Variants in ACTR3C observed in about 807,000 individuals in gnomAD.
ACTR3C encodes the protein actin-related protein 3C.
In ACTR3C, 18 loss-of-function variants were observed where a neutral mutation model predicts 26.3. That is an observed-to-expected ratio of 0.68 (90% CI 0.47 to 1.01). The LOEUF (loss-of-function observed/expected upper bound fraction) is 1.01. Ranked by LOEUF, ACTR3C falls within the 50% of genes least tolerant of loss-of-function variation. ACTR3C has a pLI of 0.00. For synonymous variants in ACTR3C, 55 were observed against 94.5 expected (o/e 0.58, Z 2.42); for missense variants, 184 against 250.7 (o/e 0.73, Z 1.80).
chr7:150,256,777 AT>A (rs1475129478), intron 6 of ACTR3C, among the ~76,000 whole-genome samples: 7 of 151,622 alleles, frequency 4.6e-5, no homozygotes, highest in South Asian at 2.1e-4. Context: ...AAAAAAAAAA[AT>A]AAACACATGT....
the ACTR3C span, among the ~76,000 whole-genome samples, chr7:150,172,991 C>T: frequency 6.7e-6 from 1 of 148,966 alleles, no homozygotes; most frequent in Admixed American, 6.6e-5. Flanking sequence ...GTACAGCCTC[C>T]ATCCCAGCTG....
At chr7:150,155,007 C>T in the ACTR3C span, among the ~76,000 whole-genome samples, 3 of 152,162 alleles carry the variant, frequency 2.0e-5, no homozygotes, top group Non-Finnish European at 4.4e-5. Flanking sequence ...TAGACAAACA[C>T]AGGCCTAAGA....
chr7:149,976,472 G>T, the ACTR3C span, among the ~76,000 whole-genome samples: 4 of 151,868 alleles, frequency 2.6e-5, no homozygotes, highest in Non-Finnish European at 4.4e-5. Flanking sequence ...TACTCAGGAG[G>T]CTGAGGCGGG....
At chr7:150,038,829 T>TAG in the ACTR3C span, among the ~76,000 whole-genome samples, 3 of 83,930 alleles carry the variant, frequency 3.6e-5, no homozygotes, top group Admixed American at 3.8e-4. Context: ...GCGATGGGGG[T>TAG]CCTAAGAGCC....
the ACTR3C span, among the ~76,000 whole-genome samples, chr7:149,896,118 G>A: frequency 6.6e-6 from 1 of 151,676 alleles, no homozygotes; most frequent in Non-Finnish European, 1.5e-5. Context: ...TTGGGAAATT[G>A]AGGCTGCAGT....
At chr7:150,135,732 A>T in the ACTR3C span, among the ~76,000 whole-genome samples, 1 of 151,628 alleles carries the variant, frequency 6.6e-6, no homozygotes, top group South Asian at 2.1e-4. Flanking sequence ...AATTATTAAT[A>T]GGCTTGTCAC....
the ACTR3C span, among the ~76,000 whole-genome samples, chr7:150,086,680 G>T: frequency 6.6e-6 from 1 of 152,208 alleles, no homozygotes; most frequent in African/African-American, 2.4e-5. Context: ...GGAGTTGAGG[G>T]CACCTCAAGG....
the ACTR3C span, among the ~76,000 whole-genome samples, chr7:150,163,311 C>T: frequency 0.015 from 2,214 of 148,952 alleles, 46 homozygotes; most frequent in South Asian, 0.078. Flanking sequence ...GTATTAGGGT[C>T]CTTCAAAGAA....
chr7:150,280,225 G>A (rs989444110), intron 6 of ACTR3C, among the ~76,000 whole-genome samples: 4 of 152,068 alleles, frequency 2.6e-5, no homozygotes, highest in Admixed American at 2.6e-4. Flanking sequence ...CCCAGACTCC[G>A]GTCCATTTTA....
At chr7:149,955,439 T>C in the ACTR3C span, among the ~76,000 whole-genome samples, 2 of 152,152 alleles carry the variant, frequency 1.3e-5, no homozygotes, top group African/African-American at 2.4e-5. Flanking sequence ...TGATCAGATA[T>C]AGCAGTAAAC....
the ACTR3C span, among the ~76,000 whole-genome samples, chr7:149,987,373 C>G: frequency 6.7e-6 from 1 of 148,846 alleles, no homozygotes; most frequent in Non-Finnish European, 1.5e-5. Flanking sequence ...CCAGACCAGC[C>G]TGGCCAACAT....
chr7:150,023,520 A>G, the ACTR3C span, among the ~76,000 whole-genome samples: 2 of 151,774 alleles, frequency 1.3e-5, no homozygotes, highest in Non-Finnish European at 2.9e-5. Flanking sequence ...TTTTTAGTAG[A>G]GATGGGGTTT....
At chr7:149,905,004 C>T in the ACTR3C span, among the ~76,000 whole-genome samples, 1 of 151,372 alleles carries the variant, frequency 6.6e-6, no homozygotes, top group Admixed American at 6.6e-5. Context: ...CCAGCCTGGG[C>T]AACAAGAGCG....
At chr7:150,152,632 A>G in the ACTR3C span, among the ~76,000 whole-genome samples, 1 of 152,176 alleles carries the variant, frequency 6.6e-6, no homozygotes, top group Non-Finnish European at 1.5e-5. Flanking sequence ...CGGCTTTGGT[A>G]TCAGGATGAT....
At chr7:150,106,186 C>T in the ACTR3C span, among the ~76,000 whole-genome samples, 5 of 151,500 alleles carry the variant, frequency 3.3e-5, no homozygotes, top group Admixed American at 3.3e-4. Context: ...TCTTTCTAGA[C>T]CCTGCTAACC....
At chr7:150,125,152 G>C in the ACTR3C span, among the ~76,000 whole-genome samples, 1 of 151,282 alleles carries the variant, frequency 6.6e-6, no homozygotes, top group Admixed American at 6.6e-5. Context: ...TTGATATTAA[G>C]CCAAAGTAAT....
the ACTR3C span, among the ~76,000 whole-genome samples, chr7:149,905,367 G>A: frequency 1.3e-3 from 204 of 151,186 alleles, 4 homozygotes; most frequent in Admixed American, 0.011. Flanking sequence ...CTAGCCTTCC[G>A]CATGGAAAAC....
chr7:150,279,120 G>A (rs374402798), intron 6 of ACTR3C, among the ~76,000 whole-genome samples: 1 of 152,156 alleles, frequency 6.6e-6, no homozygotes, highest in Non-Finnish European at 1.5e-5. Flanking sequence ...CTGGGCAAGA[G>A]AGCAAGACCT....
chr7:150,290,337 G>T, intron 3 of ACTR3C, among the ~76,000 whole-genome samples: 1 of 152,328 alleles, frequency 6.6e-6, no homozygotes, highest in Middle Eastern at 3.4e-3. Context: ...CCACAGCAAT[G>T]ATGGGCCCAA....
Sources: allele counts gnomAD v4.1 joint callset (sites outside exome capture counted in the v4.1 genomes callset), GRCh38; gene constraint gnomAD v4.1.1; transcripts MANE v1.5; gene names NCBI Gene and HGNC (gene_info 2026-07-23, HGNC 2026-07-21).